Variants in TLL1 observed in about 807,000 individuals in gnomAD.
TLL1 encodes the protein tolloid like 1.
Under a neutral mutation model 128.2 loss-of-function variants are expected in TLL1, and 49 were observed. That is an observed-to-expected ratio of 0.38 (90% confidence interval 0.30 to 0.48). TLL1 has a LOEUF of 0.48. Ranked by LOEUF, TLL1 falls within the 20% of genes least tolerant of loss-of-function variation. The pLI is 0.96. For missense variants in TLL1, 1,123 were observed against 1,242.0 expected, an observed-to-expected ratio of 0.90 and a Z score of 1.44; for synonymous variants, 454 against 418.8, an observed-to-expected ratio of 1.08 and a Z score of -1.03.
chr4:166,065,018 G>T (rs527735169), intron 15 of TLL1, among the ~76,000 whole-genome samples: 59 of 152,160 alleles, frequency 3.9e-4, no homozygotes, highest in African/African-American at 1.4e-3. Flanking sequence ...GGAAACATCT[G>T]TTAGTGGCCA....
chr4:166,097,838 T>G lies in TLL1; in HGVS notation c.2657-1439T>G, dbSNP rs1399378532. ...ACCACATTGGATTTCCCCTGGGATA[T>G]TCCTCATTTTAGCAGTGAAACTCCT... On this transcript the variant is annotated intron_variant, in intron 19 of 20. Coordinates refer to ENST00000061240, the MANE Select transcript of TLL1 (RefSeq NM_012464.5). Among the ~76,000 whole-genome samples, 28 of 152,138 alleles carry G rather than the reference T, an allele frequency of 1.8e-4. 1 individual carries two copies. The highest frequency in any genetic ancestry group is 1.8e-3 in the Admixed American group (28 of 15,264).
intron 1 of TLL1, among the ~76,000 whole-genome samples, chr4:165,891,754 T>G (rs1731416665): frequency 6.6e-6 from 1 of 152,226 alleles, no homozygotes. Context: ...CACATCTTCC[T>G]GTCTTCTGAG....
At chr4:166,037,433 T>A (rs1402830010) in intron 9 of TLL1, among the ~76,000 whole-genome samples, 1 of 152,072 alleles carries the variant, frequency 6.6e-6, no homozygotes, top group Non-Finnish European at 1.5e-5. Context: ...AGTGGAACCT[T>A]ACAATGAGGT....
chr4:166,031,928 C>G (rs571521689), intron 9 of TLL1, among the ~76,000 whole-genome samples: 4 of 152,206 alleles, frequency 2.6e-5, no homozygotes, highest in African/African-American at 9.6e-5. Flanking sequence ...CTTCTCTAAT[C>G]TTCTCAGCAC....
chr4:166,026,084 C>T (rs1254896357), intron 9 of TLL1, among the ~76,000 whole-genome samples: 1 of 152,032 alleles, frequency 6.6e-6, no homozygotes, highest in Admixed American at 6.6e-5. Flanking sequence ...TTAAAAACAA[C>T]AACAACAACA....
intron 1 of TLL1, among the ~76,000 whole-genome samples, chr4:165,985,848 GT>G (rs1017928375): frequency 6.6e-6 from 1 of 151,940 alleles, no homozygotes; most frequent in Non-Finnish European, 1.5e-5. Flanking sequence ...AAAACCTGTG[GT>G]TTTCCCTGTA....
At chr4:165,917,384 A>G (rs532882717) in intron 1 of TLL1, among the ~76,000 whole-genome samples, 1 of 152,216 alleles carries the variant, frequency 6.6e-6, no homozygotes, top group African/African-American at 2.4e-5. Context: ...TCCAGATGTG[A>G]GAACATGGGG....
intron 16 of TLL1, among the ~76,000 whole-genome samples, chr4:166,071,494 G>T (rs28636651): frequency 6.6e-6 from 1 of 151,644 alleles, no homozygotes; most frequent in Non-Finnish European, 1.5e-5. Context: ...CTAGCACTAA[G>T]TAAAACACTT....
At chr4:166,049,982 A>T (rs1053986530) in intron 12 of TLL1, among the ~76,000 whole-genome samples, 4 of 152,178 alleles carry the variant, frequency 2.6e-5, no homozygotes, top group African/African-American at 9.6e-5. Flanking sequence ...TGCATTAATT[A>T]TATCTGATTA....
At chr4:165,886,228 T>G (rs1223755009) in intron 1 of TLL1, among the ~76,000 whole-genome samples, 1 of 152,156 alleles carries the variant, frequency 6.6e-6, no homozygotes, top group South Asian at 2.1e-4. Context: ...GCTGTTTTGT[T>G]TAATTATATT....
intron 12 of TLL1, among the ~76,000 whole-genome samples, chr4:166,043,813 C>CT (rs1739339850): frequency 8.9e-6 from 1 of 112,768 alleles, no homozygotes; most frequent in Non-Finnish European, 1.9e-5. Flanking sequence ...ACATTTTTCA[C>CT]CTTTTTTTTT....
chr4:165,910,141 C>T (rs1246773330), intron 1 of TLL1, among the ~76,000 whole-genome samples: 1 of 152,102 alleles, frequency 6.6e-6, no homozygotes, highest in African/African-American at 2.4e-5. Context: ...CTGGCTGTTT[C>T]ACTTTCGGAA....
intron 7 of TLL1, among the ~76,000 whole-genome samples, chr4:166,011,221 G>C (rs112921895): frequency 1.9e-4 from 29 of 151,478 alleles, no homozygotes; most frequent in African/African-American, 6.3e-4. Context: ...GATAGAAATT[G>C]CATTGAATCT....
chr4:166,036,287 T>C (rs748594102), intron 9 of TLL1, among the ~76,000 whole-genome samples: 1 of 152,156 alleles, frequency 6.6e-6, no homozygotes, highest in Non-Finnish European at 1.5e-5. Flanking sequence ...ATAAGCACAA[T>C]TGGCAGCAGT....
Position 166,025,318 on chromosome 4 carries a change from T to C in TLL1, c.1045T>C (p.Cys349Arg). The C allele has an allele frequency of 6.2e-7, 1 of 1,607,024 alleles. No homozygotes were observed. The highest frequency in any genetic ancestry group is 1.7e-5 in the Admixed American group (1 of 60,000). Residue 349 changes from cysteine (C) to arginine (R), a missense_variant and splice_region_variant, in exon 9 of 21, where the codon TGT (cysteine) becomes CGT (arginine). By Grantham distance (180) the Cys-to-Arg change is radical. Around this residue, in one of 3 missense-constraint regions of TLL1, gnomAD observed 480 missense variants for 542.4 expected, o/e 0.89. Transcript: ENST00000061240. ...QARKLYRCPACGETLQESNGN... is the reference protein window; with the variant it reads ...QARKLYRCPARGETLQESNGN... ...CTTATATATTTTTTTCCTTTCAGCA[T>C]GTGGAGAAACTCTACAAGAATCCAA... is the stretch of plus-strand genomic sequence containing the variant.
At chr4:166,095,749 T>G (rs1021559801) in intron 19 of TLL1, among the ~76,000 whole-genome samples, 7 of 152,092 alleles carry the variant, frequency 4.6e-5, no homozygotes, top group African/African-American at 1.4e-4. Context: ...ACCCTAGGCT[T>G]CTCTTCCCTT....
At chr4:165,941,338 G>A (rs551394642) in intron 1 of TLL1, among the ~76,000 whole-genome samples, 24 of 152,136 alleles carry the variant, frequency 1.6e-4, no homozygotes, top group Middle Eastern at 3.4e-3. Flanking sequence ...TGAACTTGTC[G>A]TAATGATGAG....
chr4:166,011,499 C>T (rs914343652), intron 7 of TLL1, among the ~76,000 whole-genome samples: 3 of 151,448 alleles, frequency 2.0e-5, no homozygotes, highest in African/African-American at 7.3e-5. Flanking sequence ...TTGCTTAATT[C>T]GTTGACTGGT....
intron 9 of TLL1, chr4:166,031,089 G>T: frequency 1.2e-6 from 1 of 807,454 alleles, no homozygotes; most frequent in Non-Finnish European, 1.5e-6. Context: ...CTCATAAAAT[G>T]AAGCTGCTTA....
Sources: gnomAD v4.1 joint callset for allele counts (sites outside exome capture counted in the v4.1 genomes callset) on GRCh38, gnomAD v4.1.1 for gene constraint, gnomAD v4.1.1 regional missense constraint, MANE v1.5 for transcripts, NCBI Gene and HGNC (gene_info 2026-07-23, HGNC 2026-07-21) for gene names.